The following MDGA2 variants were observed in gnomAD, a reference collection of about 807,000 sequenced individuals.
The protein encoded by MDGA2 is MAM domain containing glycosylphosphatidylinositol anchor 2, also known as MAM domain-containing glycosylphosphatidylinositol anchor protein 2.
A neutral mutation model predicts 117.8 loss-of-function variants in MDGA2; 40 were observed. That is an observed-to-expected ratio of 0.34 (90% confidence interval 0.26 to 0.44). The LOEUF is 0.44. Among genes scored for constraint, MDGA2 ranks in the 20% least tolerant of loss-of-function variants. MDGA2 has a pLI of 1.00. For synonymous variants in MDGA2, 452 were observed against 439.0 expected, an observed-to-expected ratio of 1.03 and a Z score of -0.37; for missense variants, 1,123 against 1,250.6, an observed-to-expected ratio of 0.90 and a Z score of 1.54.
intron 1 of MDGA2, among the ~76,000 whole-genome samples, chr14:47,509,285 A>T (rs1049833388): frequency 6.6e-6 from 1 of 152,164 alleles, no homozygotes; most frequent in African/African-American, 2.4e-5. Flanking sequence ...ATATTTTGTA[A>T]AACCCTTGAA....
intron 3 of MDGA2, among the ~76,000 whole-genome samples, chr14:47,189,254 A>G (rs1885023040): frequency 1.3e-5 from 2 of 152,020 alleles, no homozygotes; most frequent in African/African-American, 4.8e-5. Flanking sequence ...GCTCAGCCAC[A>G]AACACACGCT....
At position 47,384,025 on chromosome 14, in the gene MDGA2, T is replaced by TAGATAGATAGATAATAGA. The variant is rs60630027; in HGVS notation, c.281-82476_281-82475insTCTATTATCTATCTATCT. Among the ~76,000 whole-genome samples the TAGATAGATAGATAATAGA allele has an allele frequency of 4.5e-3, 650 of 143,902 alleles. 4 individuals carry two copies. Among genetic ancestry groups the TAGATAGATAGATAATAGA allele is most frequent in the East Asian group, 6.0e-3 (29 of 4,832 alleles). The allele number at this position is 143,902 out of a possible 152,430, so 94.4% of individuals were successfully genotyped here. A position where few individuals can be genotyped will look rare whatever the true frequency, so the allele number is the denominator to read the frequency against. ...GATAGATAGATAGATAATAGATAGA[T>TAGATAGATAGATAATAGA]TAGATAAAGAGATAAATAGAACATA... On this transcript the variant is annotated intron_variant, in intron 1 of 16. Coordinates refer to ENST00000399232, the MANE Select transcript of MDGA2 (RefSeq NM_001113498.3).
intron 1 of MDGA2, among the ~76,000 whole-genome samples, chr14:47,544,201 T>C (rs572930288): frequency 7.2e-5 from 11 of 152,284 alleles, no homozygotes; most frequent in South Asian, 2.1e-4. Context: ...AAAAGTCAAA[T>C]TGTGTTCATG....
intron 1 of MDGA2, among the ~76,000 whole-genome samples, chr14:47,539,004 T>C (rs1044523468): frequency 3.9e-5 from 6 of 152,144 alleles, no homozygotes; most frequent in Admixed American, 3.3e-4. Flanking sequence ...GCCCGGTAGA[T>C]AGTGGAGAAG....
At chr14:47,404,724 G>A (rs8008454) in intron 1 of MDGA2, among the ~76,000 whole-genome samples, 52,908 of 151,686 alleles carry the variant, frequency 0.35, 9,650 homozygotes, top group East Asian at 0.57. Flanking sequence ...AAACTCCTGG[G>A]CTCAAGCAAT....
chr14:47,605,729 G>A, intron 1 of MDGA2, among the ~76,000 whole-genome samples: 1 of 152,070 alleles, frequency 6.6e-6, no homozygotes, highest in Admixed American at 6.6e-5. Context: ...AAAAATTGAG[G>A]ACTGATAATC....
chr14:47,161,926 C>A (rs12887534), intron 3 of MDGA2, among the ~76,000 whole-genome samples: 3 of 122,708 alleles, frequency 2.4e-5, no homozygotes, highest in East Asian at 2.3e-4. Context: ...CTCCCCAGAT[C>A]CTTTTTTTTT....
At chr14:47,324,940 G>A (rs1216102768) in intron 1 of MDGA2, among the ~76,000 whole-genome samples, 1 of 152,088 alleles carries the variant, frequency 6.6e-6, no homozygotes, top group East Asian at 1.9e-4. Flanking sequence ...GCAAAATGGG[G>A]AAAGATTGAT....
intron 2 of MDGA2, among the ~76,000 whole-genome samples, chr14:47,255,823 G>C (rs1216764394): frequency 6.6e-6 from 1 of 151,974 alleles, no homozygotes; most frequent in African/African-American, 2.4e-5. Context: ...AGCAGTGTAG[G>C]CATGTTAGTC....
intron 8 of MDGA2, among the ~76,000 whole-genome samples, chr14:46,993,046 T>C (rs1350173850): frequency 6.6e-6 from 1 of 152,000 alleles, no homozygotes; most frequent in African/African-American, 2.4e-5. Context: ...TCTTTAGTTA[T>C]TCATTGTAAA....
intron 1 of MDGA2, among the ~76,000 whole-genome samples, chr14:47,520,671 G>A (rs1233412307): frequency 6.6e-6 from 1 of 152,120 alleles, no homozygotes; most frequent in African/African-American, 2.4e-5. Flanking sequence ...ATGAGCTCAC[G>A]TCCAAGCAAA....
chr14:47,156,545 A>G (rs1883397693), intron 3 of MDGA2, among the ~76,000 whole-genome samples: 1 of 152,228 alleles, frequency 6.6e-6, no homozygotes, highest in Non-Finnish European at 1.5e-5. Flanking sequence ...ACTGCGACTG[A>G]AGTCACAGGA....
At chr14:47,504,058 C>T (rs1014650812) in intron 1 of MDGA2, among the ~76,000 whole-genome samples, 1 of 152,028 alleles carries the variant, frequency 6.6e-6, no homozygotes, top group Non-Finnish European at 1.5e-5. Flanking sequence ...TTTTATACAG[C>T]TAGGTGACAC....
At position 47,393,793 on chromosome 14, in the gene MDGA2, C is replaced by A. The variant is rs141792888; in HGVS notation, c.281-92243G>T. 3.6e-4 allele frequency among the ~76,000 whole-genome samples: 55 copies of A among 152,190 alleles called. No individual in the cohort carries two copies. The South Asian group carries it at 6.4e-3, about 18-fold the overall frequency. On this transcript the variant is annotated intron_variant, in intron 1 of 16. Coordinates refer to ENST00000399232, the MANE Select transcript of MDGA2 (RefSeq NM_001113498.3). ...TTTCAATAGTAAGAAAATCTTGTGA[C>A]CTGTGCCTGTACAGGAAATGAGGAA...
chr14:47,030,451 T>C (rs1888622362), intron 8 of MDGA2, among the ~76,000 whole-genome samples: 2 of 151,904 alleles, frequency 1.3e-5, no homozygotes, highest in Admixed American at 6.6e-5. Flanking sequence ...GAGGCGGAAG[T>C]TGTGGTGAGC....
At chr14:47,262,593 C>T (rs1302602734) in intron 2 of MDGA2, among the ~76,000 whole-genome samples, 1 of 152,124 alleles carries the variant, frequency 6.6e-6, no homozygotes, top group East Asian at 1.9e-4. Flanking sequence ...TTTGCTTGGG[C>T]AACACCATCT....
intron 3 of MDGA2, among the ~76,000 whole-genome samples, chr14:47,158,359 G>GGGGTGT (rs1555358926): frequency 7.9e-4 from 95 of 120,074 alleles, no homozygotes; most frequent in African/African-American, 2.2e-3. Flanking sequence ...ATATCCCTGG[G>GGGGTGT]GTGGGTGTGT....
At chr14:47,107,832 G>GCC (rs1244092652) in intron 5 of MDGA2, among the ~76,000 whole-genome samples, 8 of 151,158 alleles carry the variant, frequency 5.3e-5, no homozygotes, top group African/African-American at 2.0e-4. Context: ...TCTGCGTGCA[G>GCC]TGGCTGCCGC....
intron 1 of MDGA2, among the ~76,000 whole-genome samples, chr14:47,524,686 T>G (rs563240044): frequency 6.6e-6 from 1 of 152,204 alleles, no homozygotes. Context: ...AGTTACATTA[T>G]AGTGACCTGA....
Sources: gnomAD v4.1 joint callset for allele counts (sites outside exome capture counted in the v4.1 genomes callset) on GRCh38, gnomAD v4.1.1 for gene constraint, MANE v1.5 for transcripts, NCBI Gene and HGNC (gene_info 2026-07-23, HGNC 2026-07-21) for gene names.